ARHGAP23: variants seen among roughly 807,000 people sequenced by gnomAD.
ARHGAP23 encodes Rho GTPase activating protein 23.
Under a neutral mutation model 136.3 loss-of-function variants are expected in ARHGAP23, and 34 were observed. The ratio of observed to expected loss-of-function variants is 0.25; its 90% CI spans 0.19 to 0.33. The LOEUF (loss-of-function observed/expected upper bound fraction) is 0.33, where lower values mean the gene tolerates loss of function less well. Ranked by LOEUF, ARHGAP23 falls within the 10% of genes least tolerant of loss-of-function variation. The pLI, the probability that ARHGAP23 is intolerant of heterozygous loss-of-function variation, is 1.00. For missense variants in ARHGAP23, 1,808 were observed against 2,139.0 expected (o/e 0.85, Z 3.05); for synonymous variants, 832 against 920.5 (o/e 0.90, Z 1.74).
chr17:38,466,627 C>T lies in ARHGAP23; in HGVS notation c.944C>T (p.Ala315Val), dbSNP rs763480941. 6.6e-7 allele frequency: 1 copy of T among 1,515,530 alleles called. No individual in the cohort carries two copies. The highest frequency in any genetic ancestry group is 1.2e-5 in the South Asian group (1 of 80,340). 93.9% of individuals were successfully genotyped at this position (1,515,530 alleles called of 1,614,324 possible). Reference protein sequence around the residue: ...CPAMAPRARSASQDRLEEVAA... With the variant: ...CPAMAPRARSVSQDRLEEVAA... ...GCCATGGCCCCCCGGGCCCGCAGCG[C>T]CTCCCAGGACCGGTTGGAGGAGGTG... The change falls in exon 7 of 24, where the codon GCC (alanine) becomes GTC (valine). Residue 315 changes from alanine to valine, a missense_variant. Ala to Val is a moderately conservative substitution (Grantham distance 64, BLOSUM62 0). This residue lies in a region of ARHGAP23 where 859 missense variants were observed against 936.4 expected (regional missense o/e 0.92). Transcript: ENST00000622683.
rs577362248 is a variant in ARHGAP23, at chr17:38,482,624, C to T, written c.2853C>T (p.Ser951=). The part of the protein sequence containing the change: ...YRVPGNNAVV[S]SLQEQLNRGP... ...TGCCCGGCAACAATGCAGTGGTGTC[C>T]AGCCTACAGGAGCAGCTCAACCGCG... Residue 951 remains serine, a synonymous_variant, in exon 16 of 24, where the codon TCC becomes TCT. Transcript: ENST00000622683. 3.3e-4 allele frequency: 515 copies of T among 1,549,732 alleles called. 8 individuals carry two copies. The South Asian group carries it at 5.7e-3, about 17-fold the overall frequency.
intron 20 of ARHGAP23, 126 bp from the exon 21 acceptor site, chr17:38,497,659 G>A (rs368747248): frequency 2.1e-5 from 20 of 945,824 alleles, no homozygotes; most frequent in Non-Finnish European, 3.0e-5. Flanking sequence ...TTGCAGCCCC[G>A]CCAGCCTGGG....
Position 38,484,467 on chromosome 17 carries a change from G to C in ARHGAP23, c.2908-1595G>C, listed in dbSNP as rs529415506. On this transcript the variant is annotated intron_variant, in intron 16 of 23. Transcript: ENST00000622683. ...GAGTGGCATGGGTCCTGCTGCAGCT[G>C]AGGCATGGGATGACCAAGGGTGGGC... Among the ~76,000 whole-genome samples the C allele has an allele frequency of 3.3e-5, 5 of 152,256 alleles. No individual in the cohort carries two copies. In the East Asian group the frequency reaches 9.6e-4, roughly 29 times the overall value.
intron 23 of ARHGAP23, among the ~76,000 whole-genome samples, chr17:38,506,018 AC>A (rs961437835): frequency 3.0e-4 from 45 of 152,084 alleles, no homozygotes; most frequent in South Asian, 1.2e-3. Flanking sequence ...GAGTTTATGG[AC>A]CCCCAAAGCC....
intron 3 of ARHGAP23, among the ~76,000 whole-genome samples, chr17:38,462,495 A>G (rs575165743): frequency 6.6e-6 from 1 of 151,088 alleles, no homozygotes; most frequent in African/African-American, 2.4e-5. Flanking sequence ...ACCTCAAGTG[A>G]TCCACCCGCC....
intron 16 of ARHGAP23, among the ~76,000 whole-genome samples, chr17:38,484,713 A>G (rs1028913053): frequency 3.3e-5 from 5 of 152,168 alleles, no homozygotes; most frequent in African/African-American, 1.2e-4. Flanking sequence ...TGAGGGGGCC[A>G]TGCTGGCAGG....
intron 6 of ARHGAP23, among the ~76,000 whole-genome samples, 189 bp downstream of exon 6, chr17:38,463,571 G>A (rs1440500982): frequency 6.6e-6 from 1 of 152,176 alleles, no homozygotes; most frequent in East Asian, 1.9e-4. Context: ...GGGGGAGCGG[G>A]AGACCTGGCC....
chr17:38,490,602 G>A, intron 19 of ARHGAP23, 51 bp downstream of exon 19: 1 of 1,401,904 alleles, frequency 7.1e-7, no homozygotes, highest in Non-Finnish European at 9.9e-7. Context: ...CGGACTTACT[G>A]TGTGAGGGCC....
rs2039624084 is a variant in ARHGAP23, at chr17:38,467,062, C to G, written c.1379C>G (p.Pro460Arg). The change falls in exon 7 of 24, where the codon CCA (proline) becomes CGA (arginine). Residue 460 changes from proline (P) to arginine (R), a missense_variant. Physicochemically the swap from Pro to Arg is moderately radical, Grantham distance 103. Transcript: ENST00000622683. ...NLAQSPASFP[P>R]EASEPPRVVR... The stretch of plus-strand genomic sequence containing the variant: ...GCCCAGTCCCCTGCGTCATTCCCAC[C>G]AGAGGCCTCCGAGCCACCCAGGGTT... The G allele has an allele frequency of 2.6e-6, 4 of 1,550,854 alleles. No individual in the cohort carries two copies. The highest frequency in any genetic ancestry group is 2.6e-6 in the Non-Finnish European group (3 of 1,146,974).
chr17:38,509,555 G>T (rs2040707434), intron 23 of ARHGAP23, among the ~76,000 whole-genome samples: 1 of 152,164 alleles, frequency 6.6e-6, no homozygotes, highest in Non-Finnish European at 1.5e-5. Context: ...CATGCAGGAA[G>T]CTCTGGTGAT....
At chr17:38,421,827 G>A (rs114090436) in intron 1 of ARHGAP23, among the ~76,000 whole-genome samples, 2,629 of 152,316 alleles carry the variant, frequency 0.017, 76 homozygotes, top group African/African-American at 0.06. Context: ...GAGCTTCGAC[G>A]GGGAGGTGGG....
intron 16 of ARHGAP23, 41 bp from the exon 17 acceptor site, chr17:38,486,021 G>A: frequency 1.3e-6 from 2 of 1,533,740 alleles, no homozygotes; most frequent in Non-Finnish European, 1.8e-6. Context: ...ATGGGCATCG[G>A]GCTGGGCCTG....
At chr17:38,480,616 A>G (rs2040014066) in intron 14 of ARHGAP23, among the ~76,000 whole-genome samples, 2 of 151,678 alleles carry the variant, frequency 1.3e-5, no homozygotes, top group Non-Finnish European at 2.9e-5. Context: ...CCTGGGTGAC[A>G]GAGCGAGACT....
In ARHGAP23 at chr17:38,469,170, C is replaced by G. The variant is rs1343859875; in HGVS notation, c.1675C>G (p.Leu559Val). The G allele has an allele frequency of 3.9e-6, 6 of 1,551,294 alleles. No homozygotes were observed. The Admixed American group carries it at 1.2e-4, about 30-fold the overall frequency. ...TGAGCCCACCAGCCCCAGCATTGAC[C>G]TCCAAGCCAAGCACGTCCCTGCCTC... is the stretch of plus-strand genomic sequence containing the variant. ...IDEPTSPSID[L>V]QAKHVPASAV... The change falls in exon 8 of 24, where the codon CTC (leucine) becomes GTC (valine). Residue 559 changes from leucine (L) to valine (V), a missense_variant. This residue lies in a region of ARHGAP23 where 859 missense variants were observed against 936.4 expected (regional missense o/e 0.92). Transcript: ENST00000622683.
At chr17:38,504,506 G>A (rs1303747597) in intron 23 of ARHGAP23, among the ~76,000 whole-genome samples, 1 of 152,178 alleles carries the variant, frequency 6.6e-6, no homozygotes, top group East Asian at 1.9e-4. Context: ...TGCAAGTGCC[G>A]GACATTCACG....
chr17:38,428,426 C>A, upstream of ARHGAP23: 1 of 1,103,482 alleles, frequency 9.1e-7, no homozygotes, highest in Non-Finnish European at 1.2e-6. Flanking sequence ...CCCCGCCCCT[C>A]CCGGGTCCCT....
At chr17:38,493,544 G>A (rs1363186026) in intron 20 of ARHGAP23, among the ~76,000 whole-genome samples, 1 of 152,160 alleles carries the variant, frequency 6.6e-6, no homozygotes, top group Admixed American at 6.5e-5. Context: ...CTGAGCTAGT[G>A]TCCTTCCCTT....
chr17:38,428,022 C>G (rs2038595188), upstream of ARHGAP23, among the ~76,000 whole-genome samples: 1 of 152,180 alleles, frequency 6.6e-6, no homozygotes, highest in Non-Finnish European at 1.5e-5. Context: ...CTGCCTTTCT[C>G]ATGCTTTCTG....
upstream of ARHGAP23, among the ~76,000 whole-genome samples, chr17:38,427,753 T>TAC (rs1029158805): frequency 1.3e-5 from 2 of 152,106 alleles, no homozygotes; most frequent in African/African-American, 2.4e-5. Context: ...CCTGCCAGCC[T>TAC]CTCTTCTATG....
Sources: allele counts gnomAD v4.1 joint callset (sites outside exome capture counted in the v4.1 genomes callset), GRCh38; gene constraint gnomAD v4.1.1; regional missense constraint gnomAD v4.1.1; transcripts MANE v1.5; gene names NCBI Gene and HGNC (gene_info 2026-07-23, HGNC 2026-07-21).